Variants in USP7 observed in about 807,000 individuals in gnomAD.
The protein encoded by USP7 is ubiquitin specific peptidase 7.
Under a neutral mutation model 162.9 loss-of-function variants are expected in USP7, and 9 were observed. The observed-to-expected ratio is 0.06, with a 90% CI of 0.03 to 0.10. The LOEUF (loss-of-function observed/expected upper bound fraction) is 0.10, where lower values mean the gene tolerates loss of function less well. USP7 is among the 10% of genes least tolerant of loss of function. USP7 has a pLI of 1.00. For missense variants in USP7, 715 were observed against 1,373.7 expected (o/e 0.52, Z 7.58); for synonymous variants, 562 against 475.9 (o/e 1.18, Z -2.35).
At chr16:8,906,641 TTACAG>T in intron 12 of USP7, 59 bp from the exon 13 acceptor site, 5 of 1,528,864 alleles carry the variant, frequency 3.3e-6, no homozygotes, top group Non-Finnish European at 4.4e-6. Flanking sequence ...ATATCACACT[TTACAG>T]TAAGTAAGGC....
At chr16:8,901,420 G>T (rs1305964156) in intron 18 of USP7, among the ~76,000 whole-genome samples, 186 bp from the exon 19 acceptor site, 9 of 152,076 alleles carry the variant, frequency 5.9e-5, no homozygotes, top group African/African-American at 2.2e-4. Flanking sequence ...ACGAAGCTGA[G>T]GCTATTACCG....
chr16:8,928,193 G>C (rs1385355525), intron 2 of USP7, among the ~76,000 whole-genome samples: 3 of 152,172 alleles, frequency 2.0e-5, no homozygotes, highest in African/African-American at 7.2e-5. Context: ...TCTTACACAA[G>C]AAATGTCCCT....
chr16:8,937,623 G>T (rs1341771370), intron 1 of USP7, among the ~76,000 whole-genome samples: 1 of 152,138 alleles, frequency 6.6e-6, no homozygotes, highest in Non-Finnish European at 1.5e-5. Context: ...AAAGGCTGCA[G>T]TGAGCAAGGG....
intron 1 of USP7, among the ~76,000 whole-genome samples, chr16:8,940,965 A>G (rs1899017684): frequency 6.6e-6 from 1 of 152,198 alleles, no homozygotes; most frequent in East Asian, 1.9e-4. Context: ...CAGGAATAGC[A>G]GGACAGAATT....
intron 1 of USP7, among the ~76,000 whole-genome samples, chr16:8,954,884 C>T (rs1899720703): frequency 1.3e-5 from 2 of 152,060 alleles, no homozygotes. Context: ...GGTGTGAACC[C>T]GGGAGGCAGA....
In USP7 at chr16:8,893,273, G is replaced by GT. The variant is rs1188668524; in HGVS notation, c.*724dup. On this transcript the variant is annotated 3_prime_UTR_variant, in exon 31 of 31. Coordinates refer to ENST00000344836, the MANE Select transcript of USP7 (RefSeq NM_003470.3). ...CCTGCTCGTATGAACTGTTGAGATC[G>GT]TAAGTCTGCCAAGGCAGCAGAGTAA... The GT allele has an allele frequency of 1.3e-5, 2 of 152,178 alleles. No individual in the cohort carries two copies. The highest frequency in any genetic ancestry group is 6.5e-5 in the Admixed American group (1 of 15,268). 9.4% of individuals were successfully genotyped at this position (152,178 alleles called of 1,614,324 possible).
chr16:8,910,604 A>G (rs1000176636), intron 11 of USP7, 141 bp downstream of exon 11: 140 of 741,368 alleles, frequency 1.9e-4, no homozygotes, highest in Non-Finnish European at 2.8e-4. Flanking sequence ...CCATTCAATT[A>G]TCCTACAAAC....
In USP7 at chr16:8,963,774, G is replaced by A. The variant is rs1290468114; in HGVS notation, c.-489C>T. Reference sequence around the variant, plus strand: ...GCCGGCGGGAGCGGCGGAGCGGGCGGGCGACGGGCCGGCCGCGTTCCGAGA... The same window carrying A: ...GCCGGCGGGAGCGGCGGAGCGGGCGAGCGACGGGCCGGCCGCGTTCCGAGA... On this transcript the variant is annotated 5_prime_UTR_variant, in exon 1 of 31. Transcript: ENST00000344836. 6.9e-6 allele frequency among the ~76,000 whole-genome samples: 1 copy of A among 145,334 alleles called. No individual in the cohort carries two copies. The highest frequency in any genetic ancestry group is 2.5e-5 in the African/African-American group (1 of 40,592).
At chr16:8,960,033 T>C (rs1414474968) in intron 1 of USP7, among the ~76,000 whole-genome samples, 1 of 152,222 alleles carries the variant, frequency 6.6e-6, no homozygotes, top group Non-Finnish European at 1.5e-5. Flanking sequence ...TAACTTCCTG[T>C]TGATTCAATA....
chr16:8,910,294 T>C (rs930553602), intron 11 of USP7, among the ~76,000 whole-genome samples: 1 of 152,106 alleles, frequency 6.6e-6, no homozygotes, highest in Non-Finnish European at 1.5e-5. Flanking sequence ...CCCAGAAACC[T>C]GGGGGACACA....
chr16:8,939,542 G>C (rs956940713), intron 1 of USP7, among the ~76,000 whole-genome samples: 1 of 152,176 alleles, frequency 6.6e-6, no homozygotes, highest in Admixed American at 6.5e-5. Flanking sequence ...TCTGAAAGAA[G>C]TAAACACAAG....
chr16:8,899,549 G>T lies in USP7; in HGVS notation c.2463+55C>A, dbSNP rs999897670. 14 of 1,594,662 alleles carry T rather than the reference G, an allele frequency of 8.8e-6. No homozygotes were observed. In the Admixed American group the frequency reaches 1.4e-4, roughly 16 times the overall value. ...CTTCTTCAACAAGCATTTTAAGAAAGAAATTTGTCTTTCTGGAGTGGGATC... is the reference window on the plus strand; with the variant it reads ...CTTCTTCAACAAGCATTTTAAGAAATAAATTTGTCTTTCTGGAGTGGGATC... On this transcript the variant is annotated intron_variant, in intron 22 of 30. Transcript: ENST00000344836.
At chr16:8,956,786 A>C (rs1025860682) in intron 1 of USP7, among the ~76,000 whole-genome samples, 2 of 151,224 alleles carry the variant, frequency 1.3e-5, no homozygotes, top group African/African-American at 2.4e-5. Flanking sequence ...CAAAAAAAAA[A>C]AAACACTGAA....
intron 1 of USP7, among the ~76,000 whole-genome samples, chr16:8,930,893 C>T (rs559117121): frequency 9.9e-5 from 15 of 151,548 alleles, no homozygotes; most frequent in Non-Finnish European, 2.1e-4. Flanking sequence ...CACTTGAACT[C>T]AGGAGGCGGA....
rs1438125685 is a variant in USP7, at chr16:8,898,615, A to T, written c.2556T>A (p.Pro852=). Residue 852 remains proline (P), a synonymous_variant, in exon 24 of 31, where the codon CCT becomes CCA. Coordinates refer to ENST00000344836, the MANE Select transcript of USP7 (RefSeq NM_003470.3). ...AAGTACCTTCATAATTATGTCTAAGAGGATTACCTGGGCCATCCCTATAAC... is the reference window on the plus strand; with the variant it reads ...AAGTACCTTCATAATTATGTCTAAGTGGATTACCTGGGCCATCCCTATAAC... ...SQGYRDGPGN[P]LRHNYEGTLR... is the part of the protein sequence containing the mutation. The T allele has an allele frequency of 6.2e-7, 1 of 1,606,020 alleles. No individual in the cohort carries two copies. The highest frequency in any genetic ancestry group is 1.3e-5 in the African/African-American group (1 of 74,430).
chr16:8,908,278 G>A (rs2061891747), intron 12 of USP7, 63 bp downstream of exon 12: 1 of 1,343,902 alleles, frequency 7.4e-7, no homozygotes, highest in African/African-American at 1.4e-5. Context: ...GGAAAGCACT[G>A]AGACTAACCC....
chr16:8,952,297 C>G (rs1416692016), intron 1 of USP7, among the ~76,000 whole-genome samples: 1 of 152,194 alleles, frequency 6.6e-6, no homozygotes, highest in Non-Finnish European at 1.5e-5. Flanking sequence ...TGACCAATAG[C>G]ACTTACTGGC....
intron 15 of USP7, among the ~76,000 whole-genome samples, chr16:8,903,668 G>C (rs1243827443): frequency 1.3e-5 from 2 of 152,052 alleles, no homozygotes; most frequent in Admixed American, 1.3e-4. Context: ...GGAGTTCCGA[G>C]ACCAGCCTGA....
chr16:8,909,754 C>G (rs952815083), intron 11 of USP7, among the ~76,000 whole-genome samples: 1 of 152,138 alleles, frequency 6.6e-6, no homozygotes, highest in Non-Finnish European at 1.5e-5. Context: ...GGTGAAACCC[C>G]ATCTCTACTA....
Sources: gnomAD v4.1 joint callset for allele counts (sites outside exome capture counted in the v4.1 genomes callset) on GRCh38, gnomAD v4.1.1 for gene constraint, MANE v1.5 for transcripts, NCBI Gene and HGNC (gene_info 2026-07-23, HGNC 2026-07-21) for gene names.